LYST: variants seen among roughly 807,000 people sequenced by gnomAD.
The protein encoded by LYST is lysosomal-trafficking regulator.
Under a neutral mutation model 413.6 loss-of-function variants are expected in LYST, and 192 were observed. The ratio of observed to expected loss-of-function variants is 0.46; its 90% CI spans 0.41 to 0.52. LYST has a LOEUF of 0.52. LYST is among the 20% of genes least tolerant of loss of function. The probability of loss-of-function intolerance (pLI) is 0.00; values close to 1 mark genes in which losing one functional copy is unlikely to be tolerated. For missense variants in LYST, 3,815 were observed against 4,499.9 expected, an observed-to-expected ratio of 0.85 and a Z score of 4.35; for synonymous variants, 1,525 against 1,567.3, an observed-to-expected ratio of 0.97 and a Z score of 0.64.
intron 50 of LYST, among the ~76,000 whole-genome samples, chr1:235,671,091 C>A (rs1428156839): frequency 6.6e-6 from 1 of 152,182 alleles, no homozygotes; most frequent in African/African-American, 2.4e-5. Context: ...GCACCTGCCA[C>A]CACGCCCAGC....
chr1:235,783,852 T>G (rs1670125193), intron 14 of LYST, among the ~76,000 whole-genome samples: 1 of 151,002 alleles, frequency 6.6e-6, no homozygotes, highest in Admixed American at 6.6e-5. Context: ...AAAAGGCCTC[T>G]TCAAATGTAT....
intron 37 of LYST, 39 bp from the exon 38 acceptor site, chr1:235,728,170 T>A: frequency 7.1e-7 from 1 of 1,403,196 alleles, no homozygotes; most frequent in Non-Finnish European, 1.0e-6. Context: ...TTAAAATGTA[T>A]GTGCACACTA....
At chr1:235,771,913 G>GTTTTTTTTTTTTTT (rs1187587312) in intron 19 of LYST, among the ~76,000 whole-genome samples, 2 of 95,182 alleles carry the variant, frequency 2.1e-5, no homozygotes, top group Non-Finnish European at 2.1e-5. Context: ...AGGTTTTTTA[G>GTTTTTTTTTTTTTT]TTTGTTTTTT....
intron 1 of LYST, among the ~76,000 whole-genome samples, chr1:235,861,446 G>A (rs984647338): frequency 4.6e-5 from 7 of 152,260 alleles, no homozygotes; most frequent in South Asian, 2.1e-4. Context: ...AAACACTGGT[G>A]ACACACAGCA....
At chr1:235,866,311 G>C (rs1680503053) in intron 1 of LYST, among the ~76,000 whole-genome samples, 1 of 152,190 alleles carries the variant, frequency 6.6e-6, no homozygotes, top group Non-Finnish European at 1.5e-5. Flanking sequence ...AGAGCGGACC[G>C]AGGCGCACGG....
chr1:235,860,978 T>C (rs1679794348), intron 1 of LYST, among the ~76,000 whole-genome samples: 1 of 152,208 alleles, frequency 6.6e-6, no homozygotes, highest in African/African-American at 2.4e-5. Flanking sequence ...TCTGGCTTTT[T>C]TTCGTGCTGT....
At chr1:235,851,654 T>TTA (rs1254017918) in intron 1 of LYST, among the ~76,000 whole-genome samples, 1 of 151,974 alleles carries the variant, frequency 6.6e-6, no homozygotes, top group Non-Finnish European at 1.5e-5. Context: ...TTTTATATAT[T>TTA]TACTTTTATT....
At chr1:235,866,705 G>GCCCTCGCC (rs1362936115) in intron 1 of LYST, 138 bp downstream of exon 1, 1 of 149,322 alleles carries the variant, frequency 6.7e-6, no homozygotes, top group African/African-American at 2.6e-5. Flanking sequence ...GCGCCCTCGC[G>GCCCTCGCC]CCCTCAGCCC....
At chr1:235,769,574 A>G (rs1668462311) in intron 20 of LYST, among the ~76,000 whole-genome samples, 1 of 152,084 alleles carries the variant, frequency 6.6e-6, no homozygotes. Flanking sequence ...AAAATTGTCT[A>G]ATATACCAAC....
intron 29 of LYST, among the ~76,000 whole-genome samples, chr1:235,744,694 G>T (rs981135860): frequency 1.3e-5 from 2 of 152,024 alleles, no homozygotes; most frequent in African/African-American, 2.4e-5. Context: ...GAGTCAAGGA[G>T]TTTGAGATCA....
intron 4 of LYST, among the ~76,000 whole-genome samples, chr1:235,812,627 A>T (rs1438690527): frequency 1.3e-5 from 2 of 152,194 alleles, no homozygotes; most frequent in Non-Finnish European, 2.9e-5. Flanking sequence ...ATAAGCAAAG[A>T]AACTTTAATT....
chr1:235,706,781 T>C (rs1662024426), intron 44 of LYST, among the ~76,000 whole-genome samples: 1 of 152,206 alleles, frequency 6.6e-6, no homozygotes, highest in African/African-American at 2.4e-5. Context: ...AGGAAGCCTA[T>C]CTTATTCTCT....
chr1:235,814,498 T>C (rs1673821437), intron 3 of LYST, among the ~76,000 whole-genome samples: 1 of 151,914 alleles, frequency 6.6e-6, no homozygotes, highest in Non-Finnish European at 1.5e-5. Context: ...TATTGAAAAA[T>C]AGCCCCAAGA....
At position 235,733,736 on chromosome 1, in the gene LYST, G is replaced by A. The variant is rs752644520; in HGVS notation, c.8613-45C>T. 2.5e-5 allele frequency: 38 copies of A among 1,526,184 alleles called. No individual in the cohort carries two copies. The South Asian group carries it at 3.2e-4, about 13-fold the overall frequency. The allele number at this position is 1,526,184 out of a possible 1,614,324, so 94.5% of individuals were successfully genotyped here. A position where few individuals can be genotyped will look rare whatever the true frequency, so the allele number is the denominator to read the frequency against. ...GTCCATAGTTAAGCATACATGGAACGTATTTATCAGAACATGATACTTTAA... is the reference window on the plus strand; with the variant it reads ...GTCCATAGTTAAGCATACATGGAACATATTTATCAGAACATGATACTTTAA... On this transcript the variant is annotated intron_variant, in intron 33 of 52. Coordinates refer to ENST00000389793, the MANE Select transcript of LYST (RefSeq NM_000081.4).
intron 2 of LYST, among the ~76,000 whole-genome samples, chr1:235,832,481 T>C (rs1026144973): frequency 2.0e-5 from 3 of 152,220 alleles, no homozygotes; most frequent in African/African-American, 7.2e-5. Flanking sequence ...TGTTTTTTCC[T>C]GATTTAAAAA....
At position 235,759,170 on chromosome 1, in the gene LYST, T is replaced by A; in HGVS notation, c.6683A>T (p.Asp2228Val). The change falls in exon 23 of 53, where the codon GAT (aspartate) becomes GTT (valine). Residue 2228 changes from aspartate to valine, a missense_variant. This residue lies in a region of LYST where 771 missense variants were observed against 837.1 expected (regional missense o/e 0.92). Coordinates refer to ENST00000389793, the MANE Select transcript of LYST (RefSeq NM_000081.4). Reference protein sequence around the residue: ...PGDESCPRRPDYLKGLASFQR... With the variant: ...PGDESCPRRPVYLKGLASFQR... Reference sequence around the variant, plus strand: ...GAAGGAGGCCAATCCCTTTAGGTAATCAGGTCGGCGTGGGCAGGACTCATC... The same window carrying A: ...GAAGGAGGCCAATCCCTTTAGGTAAACAGGTCGGCGTGGGCAGGACTCATC... The A allele has an allele frequency of 6.2e-7, 1 of 1,614,084 alleles. No homozygotes were observed. The highest frequency in any genetic ancestry group is 8.5e-7 in the Non-Finnish European group (1 of 1,180,010).
Position 235,712,983 on chromosome 1 carries a change from A to G in LYST, c.9785-786T>C, listed in dbSNP as rs1221256038. The G allele has an allele frequency of 1.3e-5, 13 of 985,300 alleles. No homozygotes were observed. The East Asian group carries it at 3.4e-4, about 26-fold the overall frequency. 61.0% of individuals were successfully genotyped at this position (985,300 alleles called of 1,614,324 possible). On this transcript the variant is annotated intron_variant, in intron 42 of 52. Transcript: ENST00000389793. ...ACATGTTTCTTAGGAACCATATTGC[A>G]TCATCTAAAACTCCTCTGAACTTGT...
chr1:235,795,829 A>C (rs184958291), intron 10 of LYST, among the ~76,000 whole-genome samples: 18 of 152,284 alleles, frequency 1.2e-4, no homozygotes, highest in African/African-American at 4.3e-4. Context: ...TTTAAAAAAC[A>C]AAAAAACAGA....
At position 235,809,718 on chromosome 1, in the gene LYST, A is replaced by G; in HGVS notation, c.1100T>C (p.Leu367Pro). ...TGCAAAAGGGTCAGGCTGCTTTTCT[A>G]GGCATATTCTAATTTTTAAAGCTGC... Reference protein sequence around the residue: ...LRAALKIRICLEKQPDPFAPR... With the variant: ...LRAALKIRICPEKQPDPFAPR... Residue 367 changes from leucine to proline, a missense_variant, in exon 5 of 53, where the codon CTA becomes CCA. By Grantham distance (98) the Leu-to-Pro change is moderately conservative. Around this residue, in one of 4 missense-constraint regions of LYST, gnomAD observed 1,648 missense variants for 1,810.3 expected, o/e 0.91. Coordinates refer to ENST00000389793, the MANE Select transcript of LYST (RefSeq NM_000081.4). The surrounding 1 kb of genome is among the most constrained non-coding windows in gnomAD (Gnocchi z 4.0). The G allele has an allele frequency of 6.2e-7, 1 of 1,613,642 alleles. No individual in the cohort carries two copies. Among genetic ancestry groups the G allele is most frequent in the Non-Finnish European group, 8.5e-7 (1 of 1,179,768 alleles).
Sources: gnomAD v4.1 joint callset for allele counts (sites outside exome capture counted in the v4.1 genomes callset) on GRCh38, gnomAD v4.1.1 for gene constraint, gnomAD v4.1.1 regional missense constraint, Gnocchi (gnomAD v3.1) non-coding constraint, MANE v1.5 for transcripts, NCBI Gene and HGNC (gene_info 2026-07-23, HGNC 2026-07-21) for gene names.